The following LHB variants were observed in gnomAD, a reference collection of about 807,000 sequenced individuals.
LHB encodes lutropin subunit beta.
Under a neutral mutation model 10.6 loss-of-function variants are expected in LHB, and 11 were observed. That is an observed-to-expected ratio of 1.04 (90% CI 0.66 to 1.72). LHB has a LOEUF of 1.72. Among genes scored for constraint, LHB ranks in the 40% most tolerant of loss-of-function variants. LHB has a pLI of 0.00. For missense variants in LHB, 184 were observed against 197.3 expected, an observed-to-expected ratio of 0.93 and a Z score of 0.41; for synonymous variants, 86 against 83.1, an observed-to-expected ratio of 1.03 and a Z score of -0.19.
chr19:49,017,002 C>T (rs1568647053), intron 1 of LHB, 65 bp downstream of exon 1: 17 of 1,612,596 alleles, frequency 1.1e-5, no homozygotes, highest in Non-Finnish European at 1.4e-5. Flanking sequence ...CACGGGTCTG[C>T]CCCTTCTCAT....
Position 49,016,199 on chromosome 19 carries a change from C to T in LHB, c.295G>A (p.Val99Met), listed in dbSNP as rs775305237. 7.4e-5 allele frequency: 119 copies of T among 1,612,544 alleles called. No individual in the cohort carries two copies. The highest frequency in any genetic ancestry group is 6.1e-4 in the Middle Eastern group (3 of 4,914). ...LPGCPRGVDP[V>M]VSFPVALSCR... is the part of the protein sequence containing the mutation. Reference sequence around the variant, plus strand: ...CTGAGAGCCACAGGGAAGGAGACCACGGGGTCCACACCACGCGGGCAGCCA... The same window carrying T: ...CTGAGAGCCACAGGGAAGGAGACCATGGGGTCCACACCACGCGGGCAGCCA... Residue 99 changes from valine to methionine, a missense_variant, in exon 3 of 3, where the codon GTG (valine) becomes ATG (methionine). Physicochemically the swap from Val to Met is conservative, Grantham distance 21. Transcript: ENST00000649238.
Position 49,016,327 on chromosome 19 carries a change from T to C in LHB, c.184-17A>G. 6.2e-7 allele frequency: 1 copy of C among 1,609,170 alleles called. No individual in the cohort carries two copies. The highest frequency in any genetic ancestry group is 8.5e-7 in the Non-Finnish European group (1 of 1,179,682). On this transcript the variant is annotated splice_polypyrimidine_tract_variant and intron_variant, in intron 2 of 2. Transcript: ENST00000649238. The stretch of plus-strand genomic sequence containing the variant: ...CACGCGCATCTGGAGGCCGTGTGAG[T>C]GGGGGAATGAGCATGTGCCTGAGGC...
At chr19:49,017,736 G>T, upstream of LHB, 1 of 441,786 alleles carries the variant, frequency 2.3e-6, no homozygotes, top group Non-Finnish European at 3.7e-6. Flanking sequence ...CGCAGGGTGC[G>T]TGTCTTGCCC....
At position 49,016,261 on chromosome 19, in the gene LHB, G is replaced by T. The variant is rs116437960; in HGVS notation, c.233C>A (p.Thr78Asn). Residue 78 changes from threonine to asparagine, a missense_variant, in exon 3 of 3, where the codon ACC becomes AAC. Thr to Asn is a moderately conservative substitution (Grantham distance 65, BLOSUM62 0). Coordinates refer to ENST00000649238, the MANE Select transcript of LHB (RefSeq NM_000894.3). Reference protein sequence around the residue: ...VLPPLPQVVCTYRDVRFESIR... With the variant: ...VLPPLPQVVCNYRDVRFESIR... ...GGACTCGAAGCGCACATCACGGTAG[G>T]TGCACACCACCTGAGGCAGGGGCGG... 2.6e-3 allele frequency: 4,178 copies of T among 1,612,304 alleles called. 76 individuals are homozygous for T. In the African/African-American group the frequency reaches 0.043, roughly 17 times the overall value.
At position 49,016,034 on chromosome 19, in the gene LHB, T is replaced by A. The variant is rs2039544496; in HGVS notation, c.*34A>T. On this transcript the variant is annotated 3_prime_UTR_variant, in exon 3 of 3. Coordinates refer to ENST00000649238, the MANE Select transcript of LHB (RefSeq NM_000894.3). Reference sequence around the variant, plus strand: ...GATCGGGGTGTCAGGGCTCCAGGAGTCGGGATGGACTTGGAAGGCTGCGGG... The same window carrying A: ...GATCGGGGTGTCAGGGCTCCAGGAGACGGGATGGACTTGGAAGGCTGCGGG... The A allele has an allele frequency of 2.5e-6, 4 of 1,612,796 alleles. No individual in the cohort carries two copies. The African/African-American group carries it at 5.4e-5, about 22-fold the overall frequency.
At chr19:49,016,752 G>T (rs747656236) in intron 1 of LHB, 38 bp from the exon 2 acceptor site, 2 of 1,606,522 alleles carry the variant, frequency 1.2e-6, no homozygotes, top group Non-Finnish European at 1.7e-6. Flanking sequence ...GTCTGAGACC[G>T]CAGCCCCGAG....
chr19:49,018,253 C>A (rs996732565), upstream of LHB: 3 of 941,942 alleles, frequency 3.2e-6, no homozygotes, highest in Admixed American at 4.3e-5. Flanking sequence ...AGGGCGGCCG[C>A]TGCGGGCCGT....
In LHB at chr19:49,016,018, G is replaced by A. The variant is rs769154319; in HGVS notation, c.*50C>T. 1.9e-6 allele frequency: 3 copies of A among 1,613,998 alleles called. No individual in the cohort carries two copies. Among genetic ancestry groups the A allele is most frequent in the African/African-American group, 2.7e-5 (2 of 74,934 alleles). ...GCCTTTATTGTGGGAGGATCGGGGTGTCAGGGCTCCAGGAGTCGGGATGGA... is the reference window on the plus strand; with the variant it reads ...GCCTTTATTGTGGGAGGATCGGGGTATCAGGGCTCCAGGAGTCGGGATGGA... On this transcript the variant is annotated 3_prime_UTR_variant, in exon 3 of 3. Coordinates refer to ENST00000649238, the MANE Select transcript of LHB (RefSeq NM_000894.3).
In LHB at chr19:49,016,640, G is replaced by GT; in HGVS notation, c.89dup (p.His30GlnfsTer52). ...CGACAGCCAGGATGGCATTGATGGG[G>GT]TGGCACCATGGCCGAAGCGGCTCCC... On this transcript the variant is annotated frameshift_variant, in exon 2 of 3. Coordinates refer to ENST00000649238, the MANE Select transcript of LHB (RefSeq NM_000894.3). LOFTEE classifies it high-confidence loss of function. 6.2e-7 allele frequency: 1 copy of GT among 1,612,244 alleles called. No individual in the cohort carries two copies. The highest frequency in any genetic ancestry group is 2.2e-5 in the East Asian group (1 of 44,878).
upstream of LHB, chr19:49,018,434 C>T (rs2039592554): frequency 1.3e-6 from 1 of 771,360 alleles, no homozygotes; most frequent in Non-Finnish European, 1.8e-6. Flanking sequence ...ATTCAAACTC[C>T]TGCATTTCCA....
rs5030775 is a variant in LHB, at chr19:49,016,678, C to T, written c.52G>A (p.Ala18Thr). ...CGAAGCGGCTCCCTGGATGCCCATG[C>T]CCCGCCCATGCTCAGCAGCAGCAAC... The part of the protein sequence containing the change: ...LLLLLLSMGG[A>T]WASREPLRPW... Residue 18 changes from alanine (A) to threonine (T), a missense_variant, in exon 2 of 3, where the codon GCA (alanine) becomes ACA (threonine). By Grantham distance (58) the Ala-to-Thr change is moderately conservative. Transcript: ENST00000649238. The T allele has an allele frequency of 1.1e-3, 1,812 of 1,611,654 alleles. 14 individuals are homozygous for T. In the African/African-American group the frequency reaches 0.02, roughly 18 times the overall value.
upstream of LHB, chr19:49,017,188 C>T: frequency 3.8e-6 from 6 of 1,562,834 alleles, no homozygotes; most frequent in East Asian, 2.2e-5. Context: ...GGACACTAAT[C>T]CCCCCGGGGG....
upstream of LHB, chr19:49,018,470 G>T: frequency 1.9e-6 from 1 of 516,328 alleles, no homozygotes; most frequent in Non-Finnish European, 3.0e-6. Flanking sequence ...GGAAGGACGC[G>T]ACCCGGCACG....
upstream of LHB, chr19:49,018,347 G>A: frequency 8.2e-7 from 1 of 1,218,498 alleles, no homozygotes. Flanking sequence ...CGTCCTGTGG[G>A]AGCAGGGCGG....
upstream of LHB, chr19:49,018,951 G>A (rs1388143660): frequency 4.6e-6 from 7 of 1,534,304 alleles, no homozygotes; most frequent in South Asian, 7.1e-5. Context: ...GTCGGATACT[G>A]TGAAAGGCCG....
upstream of LHB, chr19:49,019,376 C>T (rs1422556232): frequency 1.6e-6 from 2 of 1,247,356 alleles, no homozygotes; most frequent in Non-Finnish European, 2.0e-6. Context: ...TCTCCCAACT[C>T]CCACCTGACC....
intron 2 of LHB, 42 bp from the exon 3 acceptor site, chr19:49,016,352 C>A: frequency 6.2e-7 from 1 of 1,606,296 alleles, no homozygotes; most frequent in Non-Finnish European, 8.5e-7. Flanking sequence ...GTGCCTGAGG[C>A]CAGCGCCTCA....
At chr19:49,018,583 T>C (rs1434144022), upstream of LHB, among the ~76,000 whole-genome samples, 1 of 151,124 alleles carries the variant, frequency 6.6e-6, no homozygotes, top group Non-Finnish European at 1.5e-5. Flanking sequence ...TGGGAAGGAG[T>C]ATCTGGGGGC....
upstream of LHB, chr19:49,019,293 C>T (rs1481259463): frequency 2.3e-5 from 28 of 1,201,816 alleles, no homozygotes; most frequent in Non-Finnish European, 2.9e-5. Context: ...CTCCCTGGTT[C>T]CGCTCTGTCT....
Sources: gnomAD v4.1 joint callset for allele counts (sites outside exome capture counted in the v4.1 genomes callset) on GRCh38, gnomAD v4.1.1 for gene constraint, MANE v1.5 for transcripts, NCBI Gene and HGNC (gene_info 2026-07-23, HGNC 2026-07-21) for gene names.